ITPR1: variants seen among roughly 807,000 people sequenced by gnomAD.
ITPR1 encodes the protein inositol 1,4,5-trisphosphate-gated calcium channel ITPR1.
Under a neutral mutation model 318.4 loss-of-function variants are expected in ITPR1, and 96 were observed. The ratio of observed to expected loss-of-function variants is 0.30; its 90% CI spans 0.26 to 0.36. ITPR1 has a LOEUF of 0.36. Ranked by LOEUF, ITPR1 falls within the 10% of genes least tolerant of loss-of-function variation. The pLI is 1.00. For synonymous variants in ITPR1, 1,312 were observed against 1,289.9 expected, an observed-to-expected ratio of 1.02 and a Z score of -0.37; for missense variants, 2,440 against 3,460.2, an observed-to-expected ratio of 0.71 and a Z score of 7.40.
chr3:4,705,832 G>A (rs982241726), intron 36 of ITPR1, among the ~76,000 whole-genome samples: 1 of 152,162 alleles, frequency 6.6e-6, no homozygotes, highest in Non-Finnish European at 1.5e-5. Flanking sequence ...TCCCTGTCTT[G>A]ATTATTCTTA....
chr3:4,587,232 A>G (rs940074472), intron 4 of ITPR1, among the ~76,000 whole-genome samples: 1 of 148,984 alleles, frequency 6.7e-6, no homozygotes, highest in Non-Finnish European at 1.5e-5. Flanking sequence ...TCTAGCAAGC[A>G]CCCAGTGCTG....
At chr3:4,505,419 C>G (rs2081330419) in intron 2 of ITPR1, among the ~76,000 whole-genome samples, 1 of 152,236 alleles carries the variant, frequency 6.6e-6, no homozygotes, top group African/African-American at 2.4e-5. Flanking sequence ...TCTCAAACTC[C>G]TGACCTCAAG....
intron 7 of ITPR1, among the ~76,000 whole-genome samples, chr3:4,642,562 G>A (rs2093361548): frequency 6.6e-6 from 1 of 152,180 alleles, no homozygotes; most frequent in African/African-American, 2.4e-5. Flanking sequence ...TGTCATTCCA[G>A]ATCCATTAGT....
At chr3:4,625,725 T>G (rs912341531) in intron 4 of ITPR1, among the ~76,000 whole-genome samples, 3 of 150,928 alleles carry the variant, frequency 2.0e-5, no homozygotes, top group Admixed American at 6.6e-5. Context: ...CCCGGCTAAT[T>G]TTTTGTATTT....
At chr3:4,597,701 C>T (rs73104425) in intron 4 of ITPR1, among the ~76,000 whole-genome samples, 2,546 of 152,246 alleles carry the variant, frequency 0.017, 64 homozygotes, top group African/African-American at 0.058. Context: ...GTCAGTGACC[C>T]GGTTTGGCTA....
chr3:4,688,646 T>A (rs1481010400), intron 31 of ITPR1, 26 bp downstream of exon 31: 1 of 1,605,712 alleles, frequency 6.2e-7, no homozygotes, highest in Non-Finnish European at 8.5e-7. Flanking sequence ...AATCTGCAAA[T>A]CTATAGAGGG....
At chr3:4,769,055 G>A (rs1213259719) in intron 46 of ITPR1, among the ~76,000 whole-genome samples, 1 of 151,932 alleles carries the variant, frequency 6.6e-6, no homozygotes. Context: ...AATTAGAGGA[G>A]TGCCTGGCTA....
chr3:4,801,628 G>A (rs1043619699), intron 54 of ITPR1, among the ~76,000 whole-genome samples: 1 of 152,106 alleles, frequency 6.6e-6, no homozygotes, highest in East Asian at 1.9e-4. Flanking sequence ...GCTGGGTTTG[G>A]TAGCATGCGC....
intron 4 of ITPR1, among the ~76,000 whole-genome samples, chr3:4,539,632 A>G (rs1253777681): frequency 1.3e-5 from 2 of 152,188 alleles, no homozygotes; most frequent in Non-Finnish European, 2.9e-5. Context: ...CTTGGTCTTC[A>G]ATGTGGCAGT....
At chr3:4,664,317 C>T (rs1349280135) in intron 16 of ITPR1, among the ~76,000 whole-genome samples, 2 of 152,168 alleles carry the variant, frequency 1.3e-5, no homozygotes, top group African/African-American at 2.4e-5. Context: ...AGTAAAGTGA[C>T]AAATCCAGAG....
chr3:4,745,227 G>T (rs899929565), intron 44 of ITPR1, among the ~76,000 whole-genome samples: 2 of 150,140 alleles, frequency 1.3e-5, no homozygotes, highest in Non-Finnish European at 3.0e-5. Context: ...GAGCAGACAG[G>T]GTTGTTTTTT....
At chr3:4,600,122 C>A (rs769908195) in intron 4 of ITPR1, among the ~76,000 whole-genome samples, 1 of 152,204 alleles carries the variant, frequency 6.6e-6, no homozygotes, top group African/African-American at 2.4e-5. Context: ...AAGTATGTTA[C>A]AATACATTTG....
chr3:4,730,223 A>C (rs1350926145), intron 42 of ITPR1, among the ~76,000 whole-genome samples: 3 of 146,998 alleles, frequency 2.0e-5, no homozygotes, highest in East Asian at 1.9e-4. Context: ...CTTTAAAAAA[A>C]AAAAAAACAA....
chr3:4,549,986 T>C (rs2085396447), intron 4 of ITPR1, among the ~76,000 whole-genome samples: 1 of 152,230 alleles, frequency 6.6e-6, no homozygotes, highest in Non-Finnish European at 1.5e-5. Flanking sequence ...GATTTTCTTC[T>C]TGAGACAACC....
chr3:4,739,747 G>C (rs983034121), intron 44 of ITPR1, among the ~76,000 whole-genome samples: 4 of 152,200 alleles, frequency 2.6e-5, no homozygotes, highest in Non-Finnish European at 5.9e-5. Flanking sequence ...GTGAGCTTGG[G>C]CTCAGCTGGG....
At chr3:4,736,880 G>A (rs1035825406) in intron 44 of ITPR1, among the ~76,000 whole-genome samples, 1 of 152,222 alleles carries the variant, frequency 6.6e-6, no homozygotes, top group African/African-American at 2.4e-5. Context: ...TACCAGGGGC[G>A]ATGATGGGGC....
chr3:4,525,269 A>C (rs577969926), intron 4 of ITPR1, among the ~76,000 whole-genome samples: 1 of 152,338 alleles, frequency 6.6e-6, no homozygotes, highest in African/African-American at 2.4e-5. Flanking sequence ...GATAATATGC[A>C]TAAAAAGCCT....
At chr3:4,593,087 T>G (rs538398730) in intron 4 of ITPR1, among the ~76,000 whole-genome samples, 272 of 152,302 alleles carry the variant, frequency 1.8e-3, no homozygotes, top group African/African-American at 6.4e-3. Context: ...GCTCTTCTTT[T>G]TGTGTGTGTG....
rs771478813 is a variant in ITPR1 at position 4,574,507 on chromosome 3, C to CA, written c.164-53250dup. On this transcript the variant is annotated intron_variant, in intron 4 of 61. Coordinates refer to ENST00000649015, the MANE Select transcript of ITPR1 (RefSeq NM_001378452.1). ...CTCCTTGTAAAATATACCAAAATAT[C>CA]AAAAAACAATGGGCTTTTCTTCCCA... 1.7e-3 allele frequency among the ~76,000 whole-genome samples: 266 copies of CA among 152,218 alleles called. 2 individuals are homozygous for CA. The highest frequency in any genetic ancestry group is 0.017 in the Middle Eastern group (5 of 294).
Sources: gnomAD v4.1 joint callset for allele counts (sites outside exome capture counted in the v4.1 genomes callset) on GRCh38, gnomAD v4.1.1 for gene constraint, MANE v1.5 for transcripts, NCBI Gene and HGNC (gene_info 2026-07-23, HGNC 2026-07-21) for gene names.